The following PBX3 variants were observed in gnomAD, a reference collection of about 807,000 sequenced individuals.
PBX3 encodes PBX homeobox 3.
A neutral mutation model predicts 48.5 loss-of-function variants in PBX3; 14 were observed. The observed-to-expected ratio is 0.29, with a 90% CI of 0.19 to 0.45. The LOEUF (loss-of-function observed/expected upper bound fraction) is 0.45. PBX3 is among the 20% of genes least tolerant of loss of function. The probability of loss-of-function intolerance (pLI) is 1.00; values close to 1 mark genes in which losing one functional copy is unlikely to be tolerated. For synonymous variants in PBX3, 210 were observed against 200.3 expected, an observed-to-expected ratio of 1.05 and a Z score of -0.41; for missense variants, 386 against 546.7, an observed-to-expected ratio of 0.71 and a Z score of 2.93.
intron 2 of PBX3, among the ~76,000 whole-genome samples, chr9:125,902,250 G>A (rs557672466): frequency 4.0e-5 from 6 of 151,670 alleles, no homozygotes; most frequent in African/African-American, 1.4e-4. Flanking sequence ...CATTATATAA[G>A]GTTTAACAAA....
At chr9:125,918,767 C>T (rs1841389697) in intron 3 of PBX3, among the ~76,000 whole-genome samples, 1 of 152,124 alleles carries the variant, frequency 6.6e-6, no homozygotes, top group Non-Finnish European at 1.5e-5. Flanking sequence ...TTGGGGCTGG[C>T]TTTTATAGCT....
intron 2 of PBX3, among the ~76,000 whole-genome samples, chr9:125,881,733 G>A (rs1244192288): frequency 6.6e-6 from 1 of 152,062 alleles, no homozygotes; most frequent in African/African-American, 2.4e-5. Context: ...TGATGCTCCT[G>A]TCTTGGCCTC....
At chr9:125,940,744 G>A (rs1379328477) in intron 5 of PBX3, among the ~76,000 whole-genome samples, 2 of 152,028 alleles carry the variant, frequency 1.3e-5, no homozygotes, top group African/African-American at 4.8e-5. Context: ...TATAAAAAAT[G>A]GAAAAACTTG....
At chr9:125,749,980 T>C (rs1836326618) in intron 2 of PBX3, among the ~76,000 whole-genome samples, 1 of 152,220 alleles carries the variant, frequency 6.6e-6, no homozygotes, top group Non-Finnish European at 1.5e-5. Flanking sequence ...TTACTAACTT[T>C]TATTTTGTGT....
chr9:125,961,024 C>T (rs1389420358), intron 6 of PBX3, among the ~76,000 whole-genome samples, 175 bp downstream of exon 6: 1 of 152,226 alleles, frequency 6.6e-6, no homozygotes, highest in African/African-American at 2.4e-5. Context: ...AGGTCAGAGC[C>T]TGTAAACCCA....
At chr9:125,797,080 T>A (rs193252888) in intron 2 of PBX3, among the ~76,000 whole-genome samples, 1 of 152,094 alleles carries the variant, frequency 6.6e-6, no homozygotes. Context: ...TTATTCATTT[T>A]AAAAAATCAA....
intron 2 of PBX3, among the ~76,000 whole-genome samples, chr9:125,891,865 C>T (rs1256082550): frequency 3.9e-5 from 6 of 152,090 alleles, no homozygotes; most frequent in African/African-American, 7.2e-5. Flanking sequence ...TAATTTTACC[C>T]GTATGTAAAG....
chr9:125,925,579 A>G (rs1186077457), intron 3 of PBX3, among the ~76,000 whole-genome samples: 1 of 151,990 alleles, frequency 6.6e-6, no homozygotes, highest in Non-Finnish European at 1.5e-5. Flanking sequence ...TCAGCCTCCC[A>G]AGTAGCTGGG....
chr9:125,966,434 T>C lies in PBX3; in HGVS notation c.*511T>C, dbSNP rs13296162. ...TTAATGATGGTTGTGTTTAAGAATC[T>C]TCCTCGTCACGTTTGTGTTCAGATC... is the stretch of plus-strand genomic sequence containing the variant. On this transcript the variant is annotated 3_prime_UTR_variant, in exon 9 of 9. Coordinates refer to ENST00000373489, the MANE Select transcript of PBX3 (RefSeq NM_006195.6). 602 of 153,012 alleles carry C rather than the reference T, an allele frequency of 3.9e-3. 5 individuals carry two copies. The highest frequency in any genetic ancestry group is 6.7e-3 in the Non-Finnish European group (454 of 68,176). 9.5% of individuals were successfully genotyped at this position (153,012 alleles called of 1,614,324 possible).
chr9:125,797,111 G>C (rs1837806337), intron 2 of PBX3, among the ~76,000 whole-genome samples: 1 of 151,814 alleles, frequency 6.6e-6, no homozygotes, highest in African/African-American at 2.4e-5. Flanking sequence ...ATACTATAGT[G>C]ACTAAGAAGA....
intron 4 of PBX3, 48 bp downstream of exon 4, chr9:125,929,893 TC>T: frequency 7.2e-7 from 1 of 1,384,540 alleles, no homozygotes; most frequent in Non-Finnish European, 1.0e-6. Flanking sequence ...CGTCTGTCAC[TC>T]CTTGTGTATT....
chr9:125,943,617 C>T (rs998091273), intron 5 of PBX3, among the ~76,000 whole-genome samples: 2 of 152,024 alleles, frequency 1.3e-5, no homozygotes, highest in East Asian at 1.9e-4. Context: ...TTCCATGAGG[C>T]GTTTGAGGCT....
At chr9:125,770,424 A>G (rs936273650) in intron 2 of PBX3, among the ~76,000 whole-genome samples, 1 of 152,178 alleles carries the variant, frequency 6.6e-6, no homozygotes, top group Non-Finnish European at 1.5e-5. Context: ...TAGGCATTAA[A>G]ATATATTTAT....
At chr9:125,942,270 T>C (rs1177300006) in intron 5 of PBX3, among the ~76,000 whole-genome samples, 1 of 152,158 alleles carries the variant, frequency 6.6e-6, no homozygotes, top group Non-Finnish European at 1.5e-5. Flanking sequence ...CAAGAGGCAG[T>C]GTGATTCATT....
rs142527034 is a variant in PBX3 at position 125,783,139 on chromosome 9, G to A, written c.274+34516G>A. ...CAATATTTTGTCAAATATTATTTCC[G>A]TCCCTTTCTGTCTCTCCTTTCTTTT... On this transcript the variant is annotated intron_variant, in intron 2 of 8. Transcript: ENST00000373489. Among the ~76,000 whole-genome samples, 1,328 of 152,064 alleles carry A rather than the reference G, an allele frequency of 8.7e-3. 61 individuals carry two copies. Among genetic ancestry groups the A allele is most frequent in the Admixed American group, 0.068 (1,037 of 15,294 alleles).
intron 2 of PBX3, among the ~76,000 whole-genome samples, chr9:125,844,208 T>C (rs969995221): frequency 6.6e-6 from 1 of 151,878 alleles, no homozygotes; most frequent in Admixed American, 6.6e-5. Flanking sequence ...TTTTTTTGCC[T>C]GCATATTTTA....
chr9:125,802,255 C>T (rs778535801), intron 2 of PBX3, among the ~76,000 whole-genome samples: 35 of 151,844 alleles, frequency 2.3e-4, no homozygotes, highest in Non-Finnish European at 4.9e-4. Flanking sequence ...TTTTCAGCCC[C>T]TGTCCCCACC....
Position 125,925,385 on chromosome 9 carries a change from A to G in PBX3, c.517-4270A>G, listed in dbSNP as rs549407360. Among the ~76,000 whole-genome samples the G allele has an allele frequency of 4.6e-5, 7 of 152,298 alleles. No homozygotes were observed. In the South Asian group the frequency reaches 1.2e-3, roughly 27 times the overall value. On this transcript the variant is annotated intron_variant, in intron 3 of 8. Coordinates refer to ENST00000373489, the MANE Select transcript of PBX3 (RefSeq NM_006195.6). ...GTGCTGTCAATGTAAAATACACACT[A>G]GATTTCAAAGAGTACAAAAAAGGAA...
intron 2 of PBX3, among the ~76,000 whole-genome samples, chr9:125,774,997 G>A (rs1051282667): frequency 6.6e-6 from 1 of 151,988 alleles, no homozygotes; most frequent in Admixed American, 6.6e-5. Context: ...CTCCCAAGTA[G>A]CTGGGATTAC....
Sources: allele counts gnomAD v4.1 joint callset (sites outside exome capture counted in the v4.1 genomes callset), GRCh38; gene constraint gnomAD v4.1.1; transcripts MANE v1.5; gene names NCBI Gene and HGNC (gene_info 2026-07-23, HGNC 2026-07-21).